The following CDC42SE2 variants were observed in gnomAD, a reference collection of about 807,000 sequenced individuals.
CDC42SE2 encodes the protein CDC42 small effector 2.
In CDC42SE2, 3 loss-of-function variants were observed where a neutral mutation model predicts 11.5. The ratio of observed to expected loss-of-function variants is 0.26; its 90% CI spans 0.12 to 0.67. The LOEUF (loss-of-function observed/expected upper bound fraction) is 0.67, where lower values mean the gene tolerates loss of function less well. Ranked by LOEUF, CDC42SE2 falls within the 30% of genes least tolerant of loss-of-function variation. CDC42SE2 has a pLI of 0.80. For missense variants in CDC42SE2, 82 were observed against 106.8 expected, an observed-to-expected ratio of 0.77 and a Z score of 1.02; for synonymous variants, 33 against 34.8, an observed-to-expected ratio of 0.95 and a Z score of 0.18.
chr5:131,341,982 T>G (rs1236804883), intron 2 of CDC42SE2, among the ~76,000 whole-genome samples: 2 of 151,814 alleles, frequency 1.3e-5, no homozygotes, highest in Admixed American at 6.6e-5. Context: ...TTACTTACAA[T>G]TATAAAAGTT....
At chr5:131,298,769 G>T (rs1208750486) in intron 1 of CDC42SE2, among the ~76,000 whole-genome samples, 2 of 151,972 alleles carry the variant, frequency 1.3e-5, no homozygotes, top group African/African-American at 4.8e-5. Flanking sequence ...TCTTCCCCTT[G>T]TGCTTTTTGC....
intron 1 of CDC42SE2, among the ~76,000 whole-genome samples, chr5:131,285,606 T>A (rs1214973863): frequency 6.6e-6 from 1 of 152,206 alleles, no homozygotes; most frequent in Non-Finnish European, 1.5e-5. Flanking sequence ...ATTGTTTCTT[T>A]CAGAGCTCCT....
intron 2 of CDC42SE2, among the ~76,000 whole-genome samples, chr5:131,331,927 G>C (rs888372552): frequency 6.6e-6 from 1 of 152,056 alleles, no homozygotes; most frequent in African/African-American, 2.4e-5. Context: ...TCACGATTCT[G>C]ACTGTACAGG....
intron 2 of CDC42SE2, among the ~76,000 whole-genome samples, chr5:131,326,269 A>G (rs1262675748): frequency 3.3e-5 from 5 of 151,872 alleles, no homozygotes; most frequent in South Asian, 2.1e-4. Flanking sequence ...TGCGCCTGCT[A>G]ATTTTTTGTA....
In CDC42SE2 at chr5:131,280,432, A is replaced by G. The variant is rs181422127; in HGVS notation, c.-455+16266A>G. Among the ~76,000 whole-genome samples the G allele has an allele frequency of 4.1e-3, 628 of 152,304 alleles. 4 individuals carry two copies. Among genetic ancestry groups the G allele is most frequent in the African/African-American group, 0.013 (544 of 41,560 alleles). On this transcript the variant is annotated intron_variant, in intron 1 of 4. Coordinates refer to ENST00000505065, the MANE Select transcript of CDC42SE2 (RefSeq NM_001375635.1). ...TTCACTTTAACGAATATTATCATAA[A>G]AGTATTACTTTTTATTACTTCAGTT...
intron 1 of CDC42SE2, among the ~76,000 whole-genome samples, chr5:131,295,464 A>G (rs1757550813): frequency 6.6e-6 from 1 of 152,208 alleles, no homozygotes; most frequent in Non-Finnish European, 1.5e-5. Context: ...CAAGTTCTAC[A>G]TATACAGAAT....
At chr5:131,322,131 T>C (rs1758204891) in intron 2 of CDC42SE2, among the ~76,000 whole-genome samples, 1 of 152,044 alleles carries the variant, frequency 6.6e-6, no homozygotes, top group Non-Finnish European at 1.5e-5. Flanking sequence ...ATTACAGGCA[T>C]GAGCCACCAC....
At chr5:131,336,331 G>A (rs778723932) in intron 2 of CDC42SE2, among the ~76,000 whole-genome samples, 13 of 152,278 alleles carry the variant, frequency 8.5e-5, no homozygotes, top group Non-Finnish European at 1.3e-4. Flanking sequence ...AGTTTCTGCC[G>A]AGAGATCTGC....
the CDC42SE2 span, among the ~76,000 whole-genome samples, chr5:131,234,709 G>A: frequency 6.6e-6 from 1 of 151,920 alleles, no homozygotes; most frequent in Admixed American, 6.6e-5. Flanking sequence ...ATTGGCTCAT[G>A]CAATAATTAT....
intron 2 of CDC42SE2, among the ~76,000 whole-genome samples, chr5:131,317,578 T>C (rs1758067374): frequency 6.6e-6 from 1 of 151,914 alleles, no homozygotes; most frequent in Non-Finnish European, 1.5e-5. Context: ...GGCCATAGGA[T>C]GGATGATCTA....
At position 131,270,190 on chromosome 5, in the gene CDC42SE2, C is replaced by T. The variant is rs530557121; in HGVS notation, c.-455+6024C>T. On this transcript the variant is annotated intron_variant, in intron 1 of 4. Transcript: ENST00000505065. Reference sequence around the variant, plus strand: ...GAGATCAAGACCATCCTGGCTAACACGGTGAAACCCCATCTCTACTAAAAG... The same window carrying T: ...GAGATCAAGACCATCCTGGCTAACATGGTGAAACCCCATCTCTACTAAAAG... Among the ~76,000 whole-genome samples the T allele has an allele frequency of 5.3e-4, 81 of 151,716 alleles. 1 individual carries two copies. Among genetic ancestry groups the T allele is most frequent in the African/African-American group, 1.8e-3 (73 of 41,374 alleles).
the CDC42SE2 span, among the ~76,000 whole-genome samples, chr5:131,212,890 T>C: frequency 6.1e-4 from 92 of 151,306 alleles, no homozygotes; most frequent in South Asian, 1.7e-3. Context: ...GCACATTGTA[T>C]AAAAAAAAAT....
intron 2 of CDC42SE2, among the ~76,000 whole-genome samples, chr5:131,348,367 A>T (rs1216862023): frequency 5.3e-5 from 8 of 152,222 alleles, no homozygotes; most frequent in Non-Finnish European, 1.5e-5. Flanking sequence ...AGAGAGCCAA[A>T]TCATGAGTGA....
the CDC42SE2 span, among the ~76,000 whole-genome samples, chr5:131,230,639 T>C: frequency 6.6e-6 from 1 of 152,132 alleles, no homozygotes; most frequent in Non-Finnish European, 1.5e-5. Context: ...CAAGGGAACA[T>C]GGGAAATGTA....
chr5:131,302,982 A>G (rs1757714719), intron 1 of CDC42SE2, among the ~76,000 whole-genome samples: 1 of 152,226 alleles, frequency 6.6e-6, no homozygotes, highest in Non-Finnish European at 1.5e-5. Context: ...GAATGTTAAC[A>G]GCACCAGCAA....
At chr5:131,379,705 T>C (rs1293597067) in intron 3 of CDC42SE2, among the ~76,000 whole-genome samples, 1 of 152,200 alleles carries the variant, frequency 6.6e-6, no homozygotes, top group African/African-American at 2.4e-5. Flanking sequence ...TCCTTCACCT[T>C]ATGCAGAATA....
At chr5:131,353,910 TA>T (rs1312419875) in intron 2 of CDC42SE2, among the ~76,000 whole-genome samples, 303 of 140,152 alleles carry the variant, frequency 2.2e-3, no homozygotes, top group Middle Eastern at 3.6e-3. Flanking sequence ...AAACTCTGTC[TA>T]AAAAAAAAAA....
At chr5:131,273,751 G>A (rs2149695634) in intron 1 of CDC42SE2, among the ~76,000 whole-genome samples, 1 of 148,608 alleles carries the variant, frequency 6.7e-6, no homozygotes, top group South Asian at 2.1e-4. Context: ...CCAGCCTGGC[G>A]ACAGAGACTC....
intron 2 of CDC42SE2, among the ~76,000 whole-genome samples, chr5:131,342,797 C>T (rs1340698852): frequency 3.3e-5 from 5 of 152,026 alleles, no homozygotes; most frequent in Non-Finnish European, 4.4e-5. Flanking sequence ...ACTGCAACCT[C>T]CGCCTACTGG....
Sources: allele counts gnomAD v4.1 joint callset (sites outside exome capture counted in the v4.1 genomes callset), GRCh38; gene constraint gnomAD v4.1.1; transcripts MANE v1.5; gene names NCBI Gene and HGNC (gene_info 2026-07-23, HGNC 2026-07-21).